Variants in PRRC2C observed in about 807,000 individuals in gnomAD.
PRRC2C encodes proline rich coiled-coil 2C, also known as protein PRRC2C.
In PRRC2C, 72 loss-of-function variants were observed where a neutral mutation model predicts 317.2. The observed-to-expected ratio is 0.23, with a 90% CI of 0.19 to 0.28. PRRC2C has a LOEUF of 0.28. Among genes scored for constraint, PRRC2C ranks in the 10% least tolerant of loss-of-function variants. The probability of loss-of-function intolerance (pLI) is 1.00; values close to 1 mark genes in which losing one functional copy is unlikely to be tolerated. For synonymous variants in PRRC2C, 1,296 were observed against 1,205.9 expected (o/e 1.07, Z -1.55); for missense variants, 3,074 against 3,459.7 (o/e 0.89, Z 2.80).
chr1:171,538,026 G>C (rs771893386), intron 15 of PRRC2C, among the ~76,000 whole-genome samples: 6 of 152,108 alleles, frequency 3.9e-5, no homozygotes, highest in Non-Finnish European at 5.9e-5. Flanking sequence ...TCAGCCTCCT[G>C]AGTAGCTGGG....
chr1:171,584,366 A>C, intron 29 of PRRC2C, 53 bp from the exon 30 acceptor site: 1 of 1,474,138 alleles, frequency 6.8e-7, no homozygotes, highest in Non-Finnish European at 9.1e-7. Context: ...TCCACCTCTG[A>C]ATTTGAAATT....
At chr1:171,560,708 A>G (rs897589908) in intron 19 of PRRC2C, among the ~76,000 whole-genome samples, 9 of 152,198 alleles carry the variant, frequency 5.9e-5, no homozygotes, top group Non-Finnish European at 4.4e-5. Context: ...ACATGATGCT[A>G]TTACCTATTA....
At chr1:171,532,135 T>C (rs1393012725) in intron 11 of PRRC2C, among the ~76,000 whole-genome samples, 1 of 152,234 alleles carries the variant, frequency 6.6e-6, no homozygotes, top group African/African-American at 2.4e-5. Flanking sequence ...TCAGTAAACA[T>C]TGGACCGCTG....
chr1:171,558,153 A>G lies in PRRC2C; in HGVS notation c.6031+10A>G, dbSNP rs1200555383. On this transcript the variant is annotated intron_variant, in intron 19 of 34. Coordinates refer to ENST00000647382, the MANE Select transcript of PRRC2C (RefSeq NM_001387844.1). Reference sequence around the variant, plus strand: ...GATATCTCTAAGAAATGTAAGTTGCAAAAGAGAAGTGAGGGGTGGGGAATG... The same window carrying G: ...GATATCTCTAAGAAATGTAAGTTGCGAAAGAGAAGTGAGGGGTGGGGAATG... 6.2e-7 allele frequency: 1 copy of G among 1,603,042 alleles called. No individual in the cohort carries two copies. The highest frequency in any genetic ancestry group is 1.7e-5 in the Admixed American group (1 of 59,214).
At chr1:171,500,443 G>GC (rs1668875318) in intron 1 of PRRC2C, among the ~76,000 whole-genome samples, 1 of 152,048 alleles carries the variant, frequency 6.6e-6, no homozygotes, top group African/African-American at 2.4e-5. Flanking sequence ...GTGTCACCCA[G>GC]GCTTGAGTGG....
intron 30 of PRRC2C, 118 bp downstream of exon 30, chr1:171,584,644 G>T: frequency 1.7e-6 from 2 of 1,199,884 alleles, no homozygotes; most frequent in Admixed American, 2.8e-5. Flanking sequence ...TTTTTAAACT[G>T]TTCACTGAGA....
At chr1:171,497,668 C>G (rs1668369831) in intron 1 of PRRC2C, among the ~76,000 whole-genome samples, 1 of 152,052 alleles carries the variant, frequency 6.6e-6, no homozygotes, top group African/African-American at 2.4e-5. Context: ...GAGGTCTCAC[C>G]ATGTTACCCA....
intron 20 of PRRC2C, among the ~76,000 whole-genome samples, chr1:171,565,216 C>T (rs1361501301): frequency 6.6e-6 from 1 of 152,152 alleles, no homozygotes; most frequent in Non-Finnish European, 1.5e-5. Flanking sequence ...TGTGGTCTCC[C>T]TAAACTCTTT....
chr1:171,510,291 A>G (rs572934552), intron 1 of PRRC2C: 41 of 152,332 alleles, frequency 2.7e-4, no homozygotes, highest in African/African-American at 9.6e-4. Context: ...TCTAATATAC[A>G]GAAAGGGTCT....
chr1:171,509,076 C>T (rs182446402), intron 1 of PRRC2C, among the ~76,000 whole-genome samples: 34 of 151,896 alleles, frequency 2.2e-4, no homozygotes, highest in Middle Eastern at 3.4e-3. Context: ...TTAGTAGAGA[C>T]GGGTTTCACC....
At chr1:171,547,751 C>G (rs570571684) in intron 17 of PRRC2C, among the ~76,000 whole-genome samples, 2 of 146,990 alleles carry the variant, frequency 1.4e-5, no homozygotes, top group Non-Finnish European at 3.0e-5. Flanking sequence ...TCAAGTGATT[C>G]TCCTGCCTCA....
intron 27 of PRRC2C, 121 bp from the exon 28 acceptor site, chr1:171,579,707 G>A (rs2102824202): frequency 7.7e-7 from 1 of 1,305,166 alleles, no homozygotes. Context: ...GTTTTAAAAT[G>A]GAGCTGATAT....
At chr1:171,577,775 T>TA in intron 26 of PRRC2C, 138 bp downstream of exon 26, 2 of 620,632 alleles carry the variant, frequency 3.2e-6, no homozygotes, top group Non-Finnish European at 5.0e-6. Context: ...ATTCGCATTT[T>TA]TTTTTTTTTT....
intron 1 of PRRC2C, chr1:171,509,772 G>T (rs1327037043): frequency 2.7e-5 from 4 of 149,412 alleles, no homozygotes; most frequent in African/African-American, 9.8e-5. Context: ...TGGGACCTGA[G>T]AATTTTCATT....
Position 171,557,919 on chromosome 1 carries a change from C to T in PRRC2C, c.5807C>T (p.Ala1936Val), listed in dbSNP as rs759930393. The change falls in exon 19 of 35, where the codon GCA (alanine) becomes GTA (valine). Residue 1936 changes from alanine (A) to valine (V), a missense_variant. Physicochemically the swap from Ala to Val is moderately conservative, Grantham distance 64. Transcript: ENST00000647382. Reference protein sequence around the residue: ...PAPPAPAQTQAQTHKPVQNPL... With the variant: ...PAPPAPAQTQVQTHKPVQNPL... ...CCACCTGCCCCAGCCCAGACTCAGG[C>T]ACAGACCCACAAACCAGTCCAGAAT... 6 of 1,573,024 alleles carry T rather than the reference C, an allele frequency of 3.8e-6. No individual in the cohort carries two copies. In the East Asian group the frequency reaches 7.1e-5, roughly 19 times the overall value.
chr1:171,586,721 C>T (rs1349956001), intron 30 of PRRC2C, among the ~76,000 whole-genome samples: 1 of 151,626 alleles, frequency 6.6e-6, no homozygotes, highest in African/African-American at 2.4e-5. Context: ...GCTGAGACTA[C>T]AGGCACATGC....
At chr1:171,511,972 T>G in intron 1 of PRRC2C, 60 bp from the exon 2 acceptor site, 1 of 546,260 alleles carries the variant, frequency 1.8e-6, no homozygotes, top group Non-Finnish European at 3.2e-6. Context: ...AGAATTTCTG[T>G]GAACATTTGA....
chr1:171,588,244 T>C, intron 32 of PRRC2C, 135 bp from the exon 33 acceptor site: 1 of 970,976 alleles, frequency 1.0e-6, no homozygotes, highest in Non-Finnish European at 1.6e-6. Context: ...TCTACCAGAA[T>C]GTTTTGGTAA....
intron 23 of PRRC2C, 131 bp downstream of exon 23, chr1:171,568,470 T>C: frequency 7.3e-7 from 1 of 1,374,692 alleles, no homozygotes; most frequent in South Asian, 1.6e-5. Context: ...AGTAAATTTG[T>C]GTTTAGGAGT....
Sources: allele counts gnomAD v4.1 joint callset (sites outside exome capture counted in the v4.1 genomes callset), GRCh38; gene constraint gnomAD v4.1.1; transcripts MANE v1.5; gene names NCBI Gene and HGNC (gene_info 2026-07-23, HGNC 2026-07-21).